Variants in EP400 observed in about 807,000 individuals in gnomAD.
The protein encoded by EP400 is E1A-binding protein p400.
In EP400, 105 loss-of-function variants were observed where a neutral mutation model predicts 354.1. The ratio of observed to expected loss-of-function variants is 0.30; its 90% confidence interval spans 0.25 to 0.35. The LOEUF (loss-of-function observed/expected upper bound fraction) is 0.35. EP400 is among the 10% of genes least tolerant of loss of function. The pLI is 1.00. For missense variants in EP400, 3,280 were observed against 4,121.0 expected (o/e 0.80, Z 5.59); for synonymous variants, 1,646 against 1,716.9 (o/e 0.96, Z 1.02).
Position 132,038,068 on chromosome 12 carries a change from C to T in EP400, c.6179C>T (p.Ala2060Val). The change falls in exon 32 of 53, where the codon GCA becomes GTA. Residue 2060 changes from alanine to valine, a missense_variant. Ala to Val is a moderately conservative substitution (Grantham distance 64, BLOSUM62 0). Transcript: ENST00000389561. This position sits in a 1 kb window ranked among gnomAD's most constrained non-coding sequence, Gnocchi z 4.2. ...GAACCTTCTGTCACGGAAACCATTG[C>T]ACCCAAAATTGCAAGACCTTTCATA... ...SQEPSVTETI[A>V]PKIARPFIEA... 6.2e-7 allele frequency: 1 copy of T among 1,614,222 alleles called. No homozygotes were observed. Among genetic ancestry groups the T allele is most frequent in the Non-Finnish European group, 8.5e-7 (1 of 1,180,046 alleles).
chr12:132,032,846 G>A (rs906939189), intron 30 of EP400, among the ~76,000 whole-genome samples: 1 of 152,110 alleles, frequency 6.6e-6, no homozygotes, highest in Non-Finnish European at 1.5e-5. Flanking sequence ...GGCCAGGCCG[G>A]TCTCGAACTC....
At position 132,075,369 on chromosome 12, in the gene EP400, G is replaced by A. The variant is rs538846232; in HGVS notation, c.9022-1147G>A. On this transcript the variant is annotated intron_variant, in intron 51 of 52. Transcript: ENST00000389561. This position sits in a 1 kb window ranked among gnomAD's most constrained non-coding sequence, Gnocchi z 4.5. ...TTCTGCTCCGTGACTCGTGATGCCC[G>A]CCTGTGCTTAGGTTTGGAGACTGGC... 6.6e-6 allele frequency among the ~76,000 whole-genome samples: 1 copy of A among 152,274 alleles called. No homozygotes were observed. Among genetic ancestry groups the A allele is most frequent in the South Asian group, 2.1e-4 (1 of 4,822 alleles).
Position 132,067,338 on chromosome 12 carries a change from C to A in EP400, c.8750-24C>A. The A allele has an allele frequency of 6.2e-7, 1 of 1,609,950 alleles. No homozygotes were observed. The highest frequency in any genetic ancestry group is 1.1e-5 in the South Asian group (1 of 90,840). On this transcript the variant is annotated intron_variant, in intron 49 of 52. Transcript: ENST00000389561. The surrounding 1 kb of genome is among the most constrained non-coding windows in gnomAD (Gnocchi z 5.3). The stretch of plus-strand genomic sequence containing the variant: ...TCAAGCTCTTTTCCCAGTGTGCTGA[C>A]TAAGGGGCTTTTGCTGCCTGCAGGA...
chr12:132,049,490 CAT>C (rs752343651), intron 39 of EP400, among the ~76,000 whole-genome samples: 4 of 152,200 alleles, frequency 2.6e-5, no homozygotes, highest in East Asian at 1.9e-4. Context: ...GTGGAGGACA[CAT>C]GTGCACACAG....
chr12:131,956,860 G>GTCTT (rs1891716855), intron 1 of EP400, among the ~76,000 whole-genome samples: 1 of 136,550 alleles, frequency 7.3e-6, no homozygotes, highest in South Asian at 2.3e-4. Flanking sequence ...TTTGTGAACT[G>GTCTT]TCTTTTTTTG....
Position 131,982,291 on chromosome 12 carries a change from C to A in EP400, c.1742C>A (p.Pro581Gln). The A allele has an allele frequency of 6.2e-7, 1 of 1,614,122 alleles. No homozygotes were observed. Among genetic ancestry groups the A allele is most frequent in the South Asian group, 1.1e-5 (1 of 91,082 alleles). ...TCTGCGCTGCAGTTTGCACAGCAGC[C>A]GCAAGTGGTAGAGGCCCAGACACAG... The part of the protein sequence containing the change: ...LSSALQFAQQ[P>Q]QVVEAQTQLQ... Residue 581 changes from proline to glutamine, a missense_variant, in exon 5 of 53, where the codon CCG becomes CAG. This residue lies in a region of EP400 where 800 missense variants were observed against 840.0 expected (regional missense o/e 0.95). Transcript: ENST00000389561.
intron 3 of EP400, among the ~76,000 whole-genome samples, chr12:131,980,257 C>G (rs976826500): frequency 6.6e-5 from 10 of 152,332 alleles, no homozygotes; most frequent in Middle Eastern, 6.8e-3. Context: ...TTCTCTCTCA[C>G]AGACCTTCCT....
At position 132,062,529 on chromosome 12, in the gene EP400, A is replaced by G. The variant is rs773429798; in HGVS notation, c.8162A>G (p.Gln2721Arg). The change falls in exon 47 of 53, where the codon CAG becomes CGG. Residue 2721 changes from glutamine to arginine, a missense_variant. Gln to Arg is a conservative substitution (Grantham distance 43). This residue lies in a region of EP400 where 11 missense variants were observed against 34.5 expected (regional missense o/e 0.32). Transcript: ENST00000389561. ...TPAHFQLLRQ[Q>R]QQQQQQQQQQ... ...GCACATTTCCAGCTTCTCAGGCAGC[A>G]GCAGCAGCAGCAGCAACAACAGCAG... 1.2e-6 allele frequency: 2 copies of G among 1,603,420 alleles called. No homozygotes were observed. The highest frequency in any genetic ancestry group is 1.7e-6 in the Non-Finnish European group (2 of 1,176,038).
rs761351266 is a variant in EP400 at position 132,044,261 on chromosome 12, C to G, written c.6535C>G (p.Gln2179Glu). 11 of 1,613,940 alleles carry G rather than the reference C, an allele frequency of 6.8e-6. No individual in the cohort carries two copies. Among genetic ancestry groups the G allele is most frequent in the Non-Finnish European group, 7.6e-6 (9 of 1,180,020 alleles). Residue 2179 changes from glutamine to glutamate, a missense_variant, in exon 35 of 53, where the codon CAG (glutamine) becomes GAG (glutamate). Gln to Glu is a conservative substitution (Grantham distance 29). This residue lies in a region of EP400 where 231 missense variants were observed against 257.9 expected (regional missense o/e 0.90). Transcript: ENST00000389561. ...QEREARLRLE[Q>E]EEAELLTYTR... is the part of the protein sequence containing the mutation. ...GAGGGAGGCCCGGCTGCGGCTGGAG[C>G]AGGAGGAGGCGGAGCTCCTGACCTA...
rs987569031 is a variant in EP400 at position 132,079,816 on chromosome 12, A to G, written c.*2143A>G. ...CTGTTCCCTAATACAAAACACGGAC[A>G]TATTTTTACTCGTAGCACTCAATTT... On this transcript the variant is annotated 3_prime_UTR_variant, in exon 53 of 53. Coordinates refer to ENST00000389561, the MANE Select transcript of EP400 (RefSeq NM_015409.5). The G allele has an allele frequency of 6.6e-6, 1 of 152,274 alleles. No homozygotes were observed. The highest frequency in any genetic ancestry group is 2.4e-5 in the African/African-American group (1 of 41,478). The allele number at this position is 152,274 out of a possible 1,614,324, so 9.4% of individuals were successfully genotyped here.
chr12:132,076,394 T>C (rs1896240198), intron 51 of EP400, 122 bp from the exon 52 acceptor site: 3 of 967,530 alleles, frequency 3.1e-6, no homozygotes, highest in Middle Eastern at 2.0e-4. Context: ...CGAGAATTGC[T>C]CTTCTGTGTC....
Position 132,017,821 on chromosome 12 carries a change from C to T in EP400, c.4110+100C>T. On this transcript the variant is annotated intron_variant, in intron 20 of 52. Coordinates refer to ENST00000389561, the MANE Select transcript of EP400 (RefSeq NM_015409.5). The surrounding 1 kb of genome is among the most constrained non-coding windows in gnomAD (Gnocchi z 5.0). ...GGAAATGGGTTCTCAACCAGCTCTT[C>T]TGCAATTGCAATTGCAGCTCCGCGA... 1.5e-6 allele frequency: 2 copies of T among 1,302,630 alleles called. No homozygotes were observed. 80.7% of individuals were successfully genotyped at this position (1,302,630 alleles called of 1,614,324 possible).
intron 51 of EP400, 68 bp downstream of exon 51, chr12:132,069,709 C>A: frequency 6.3e-7 from 1 of 1,587,758 alleles, no homozygotes; most frequent in Non-Finnish European, 8.6e-7. Flanking sequence ...TTGTGTGTCT[C>A]GCGGGCTTTG....
chr12:131,988,038 A>G (rs1188030185), intron 7 of EP400, 148 bp downstream of exon 7: 2 of 702,306 alleles, frequency 2.8e-6, no homozygotes, highest in East Asian at 6.7e-5. Flanking sequence ...TCTGTTGTCC[A>G]GGCTGGAATG....
In EP400 at chr12:132,027,559, G is replaced by T. The variant is rs1289147002; in HGVS notation, c.5109+28G>T. 2 of 1,570,372 alleles carry T rather than the reference G, an allele frequency of 1.3e-6. No homozygotes were observed. Among genetic ancestry groups the T allele is most frequent in the South Asian group, 1.2e-5 (1 of 86,454 alleles). The stretch of plus-strand genomic sequence containing the variant: ...AAGCACCTGAGCTTGAGACCCCGGT[G>T]CACGTGGACAGGTAGCTTTCCAAGA... On this transcript the variant is annotated intron_variant, in intron 26 of 52. Transcript: ENST00000389561. The surrounding 1 kb of genome is among the most constrained non-coding windows in gnomAD (Gnocchi z 4.9).
intron 1 of EP400, among the ~76,000 whole-genome samples, chr12:131,957,131 A>G (rs972729646): frequency 6.6e-6 from 1 of 151,946 alleles, no homozygotes; most frequent in Non-Finnish European, 1.5e-5. Flanking sequence ...TCAGCCTCCC[A>G]AAGTGCTGGG....
rs188759900 is a variant in EP400 at position 131,991,351 on chromosome 12, C to T, written c.2630-56C>T. 155 of 1,584,266 alleles carry T rather than the reference C, an allele frequency of 9.8e-5. No individual in the cohort carries two copies. In the East Asian group the frequency reaches 2.5e-3, roughly 26 times the overall value. On this transcript the variant is annotated intron_variant, in intron 9 of 52. Transcript: ENST00000389561. ...CAGGACCCTGCCTGGAAAGCAGAGA[C>T]GCCCTCGCCAAGCATGGGGGGCCTT...
intron 5 of EP400, among the ~76,000 whole-genome samples, chr12:131,985,131 C>T (rs984995414): frequency 6.6e-6 from 1 of 152,146 alleles, no homozygotes; most frequent in Non-Finnish European, 1.5e-5. Context: ...GCTGGGATTA[C>T]AGGCGTGAGC....
chr12:132,036,561 T>C (rs1894724797), intron 30 of EP400, among the ~76,000 whole-genome samples: 1 of 152,264 alleles, frequency 6.6e-6, no homozygotes, highest in Admixed American at 6.5e-5. Context: ...CCATGAAATA[T>C]GCCAGTTAGG....
Sources: gnomAD v4.1 joint callset for allele counts (sites outside exome capture counted in the v4.1 genomes callset) on GRCh38, gnomAD v4.1.1 for gene constraint, gnomAD v4.1.1 regional missense constraint, Gnocchi (gnomAD v3.1) non-coding constraint, MANE v1.5 for transcripts, NCBI Gene and HGNC (gene_info 2026-07-23, HGNC 2026-07-21) for gene names.